LY96: variants seen among roughly 807,000 people sequenced by gnomAD.
LY96 encodes lymphocyte antigen 96, also known as myeloid differentiation protein-2.
A neutral mutation model predicts 18.9 loss-of-function variants in LY96; 18 were observed. That is an observed-to-expected ratio of 0.95 (90% CI 0.66 to 1.41). The LOEUF is 1.41. LY96 is among the 40% of genes most tolerant of loss of function. LY96 has a pLI of 0.00. For missense variants in LY96, 175 were observed against 182.4 expected (o/e 0.96, Z 0.23); for synonymous variants, 66 against 62.6 (o/e 1.06, Z -0.26).
chr8:74,041,981 G>C, the LY96 span, among the ~76,000 whole-genome samples: 699 of 152,216 alleles, frequency 4.6e-3, 3 homozygotes, highest in Admixed American at 7.7e-3. Flanking sequence ...TGCAGCTCAG[G>C]TGGGCATCAT....
At chr8:74,002,099 C>T (rs971762901) in intron 1 of LY96, among the ~76,000 whole-genome samples, 302 of 25,344 alleles carry the variant, frequency 0.012, 46 homozygotes, top group African/African-American at 0.019. Context: ...TTCTTTCTCT[C>T]TCTCTCTCTC....
intron 3 of LY96, among the ~76,000 whole-genome samples, chr8:74,011,332 T>C (rs1816526160): frequency 1.3e-5 from 2 of 152,112 alleles, no homozygotes; most frequent in Admixed American, 6.6e-5. Flanking sequence ...GGCAAAGAAT[T>C]TATGACAAAG....
chr8:74,061,472 G>C, the LY96 span, among the ~76,000 whole-genome samples: 1 of 152,194 alleles, frequency 6.6e-6, no homozygotes, highest in Non-Finnish European at 1.5e-5. Flanking sequence ...ATGAATTTTC[G>C]GGGGATGGAG....
At chr8:74,024,482 C>T (rs900321572) in intron 3 of LY96, among the ~76,000 whole-genome samples, 1 of 151,926 alleles carries the variant, frequency 6.6e-6, no homozygotes, top group Non-Finnish European at 1.5e-5. Flanking sequence ...TTATAAGTAA[C>T]ATTTAATGGT....
chr8:74,039,907 C>T, the LY96 span, among the ~76,000 whole-genome samples: 3 of 152,056 alleles, frequency 2.0e-5, no homozygotes, highest in African/African-American at 7.2e-5. Flanking sequence ...TAATATCCAG[C>T]CTCCCACAAG....
At chr8:74,060,507 G>T in the LY96 span, among the ~76,000 whole-genome samples, 55 of 152,312 alleles carry the variant, frequency 3.6e-4, no homozygotes, top group African/African-American at 1.3e-3. Context: ...CTAGAGAGGA[G>T]GAAACAAATC....
At chr8:74,021,607 A>G (rs1260711736) in intron 3 of LY96, among the ~76,000 whole-genome samples, 1 of 152,250 alleles carries the variant, frequency 6.6e-6, no homozygotes, top group Non-Finnish European at 1.5e-5. Flanking sequence ...TGCTACTATG[A>G]AGACACATGC....
At chr8:74,078,031 C>T in the LY96 span, among the ~76,000 whole-genome samples, 2 of 151,500 alleles carry the variant, frequency 1.3e-5, no homozygotes, top group Non-Finnish European at 1.5e-5. Flanking sequence ...TTGCTTGAGC[C>T]GAGGAATTTG....
the LY96 span, among the ~76,000 whole-genome samples, chr8:74,059,194 T>C: frequency 5.2e-3 from 792 of 152,192 alleles, 5 homozygotes; most frequent in African/African-American, 0.019. Context: ...CCCAGGCAAA[T>C]TGGTACATAA....
chr8:74,092,700 A>G, the LY96 span, among the ~76,000 whole-genome samples: 2 of 152,252 alleles, frequency 1.3e-5, no homozygotes, highest in South Asian at 4.2e-4. Context: ...TTGCTTTCCC[A>G]TGACTGGCTC....
At chr8:74,051,084 G>A in the LY96 span, among the ~76,000 whole-genome samples, 1 of 152,110 alleles carries the variant, frequency 6.6e-6, no homozygotes, top group African/African-American at 2.4e-5. Context: ...AAGAAGATGG[G>A]GTTGTTCTAA....
chr8:74,009,488 T>G (rs764644267), intron 2 of LY96, among the ~76,000 whole-genome samples: 15 of 151,814 alleles, frequency 9.9e-5, no homozygotes, highest in Non-Finnish European at 2.1e-4. Flanking sequence ...GAAAAATGCA[T>G]TGATTACTGG....
At chr8:74,071,683 T>C in the LY96 span, among the ~76,000 whole-genome samples, 1 of 152,334 alleles carries the variant, frequency 6.6e-6, no homozygotes, top group Non-Finnish European at 1.5e-5. Context: ...ATCCTATTGC[T>C]TTTTAAGCAA....
At chr8:74,051,642 C>A in the LY96 span, among the ~76,000 whole-genome samples, 1 of 152,042 alleles carries the variant, frequency 6.6e-6, no homozygotes, top group Non-Finnish European at 1.5e-5. Flanking sequence ...GTAATGAAGT[C>A]GTGAGGGTGG....
chr8:74,082,384 G>A, the LY96 span, among the ~76,000 whole-genome samples: 2 of 152,176 alleles, frequency 1.3e-5, no homozygotes, highest in African/African-American at 2.4e-5. Context: ...CATGACTGTG[G>A]TCATGTCCAC....
chr8:74,034,707 C>T, the LY96 span, among the ~76,000 whole-genome samples: 1 of 152,296 alleles, frequency 6.6e-6, no homozygotes, highest in East Asian at 1.9e-4. Flanking sequence ...CCTCATTTGG[C>T]ATCACACTGG....
the LY96 span, among the ~76,000 whole-genome samples, chr8:74,070,656 C>T: frequency 6.6e-6 from 1 of 151,994 alleles, no homozygotes; most frequent in African/African-American, 2.4e-5. Context: ...TGTTTTTGAG[C>T]GTTACAGAAA....
At chr8:74,027,859 A>G (rs1314780606) in intron 4 of LY96, among the ~76,000 whole-genome samples, 1 of 152,152 alleles carries the variant, frequency 6.6e-6, no homozygotes, top group African/African-American at 2.4e-5. Flanking sequence ...TACTTAATCT[A>G]AATGGGTCTG....
intron 3 of LY96, among the ~76,000 whole-genome samples, chr8:74,014,812 TACACACACAC>T (rs111566455): frequency 6.9e-4 from 100 of 144,770 alleles, no homozygotes; most frequent in Admixed American, 3.0e-3. Flanking sequence ...CTCACCAGTT[TACACACACAC>T]ACACACACAC....
Sources: gnomAD v4.1 joint callset for allele counts (sites outside exome capture counted in the v4.1 genomes callset) on GRCh38, gnomAD v4.1.1 for gene constraint, MANE v1.5 for transcripts, NCBI Gene and HGNC (gene_info 2026-07-23, HGNC 2026-07-21) for gene names.